Variants in SLIT3 observed in about 807,000 individuals in gnomAD.
The protein encoded by SLIT3 is slit homolog 3 protein.
In SLIT3, 68 loss-of-function variants were observed where a neutral mutation model predicts 184.0. That is an observed-to-expected ratio of 0.37 (90% CI 0.30 to 0.45). The LOEUF is 0.45. Ranked by LOEUF, SLIT3 falls within the 20% of genes least tolerant of loss-of-function variation. SLIT3 has a pLI of 1.00. For missense variants in SLIT3, 1,707 were observed against 2,026.0 expected (o/e 0.84, Z 3.02); for synonymous variants, 831 against 828.6 (o/e 1.00, Z -0.05).
intron 20 of SLIT3, among the ~76,000 whole-genome samples, chr5:168,735,518 A>G (rs1305583227): frequency 6.6e-6 from 1 of 152,154 alleles, no homozygotes; most frequent in Non-Finnish European, 1.5e-5. Context: ...GTCACCTGTA[A>G]AACAAAGCTT....
intron 4 of SLIT3, among the ~76,000 whole-genome samples, chr5:169,075,397 C>G (rs1283229089): frequency 6.6e-6 from 1 of 152,170 alleles, no homozygotes; most frequent in Non-Finnish European, 1.5e-5. Flanking sequence ...GGACCTGGAG[C>G]TTTCTCTGCT....
intron 33 of SLIT3, among the ~76,000 whole-genome samples, chr5:168,672,951 C>G (rs1278122264): frequency 6.6e-6 from 1 of 152,222 alleles, no homozygotes; most frequent in Non-Finnish European, 1.5e-5. Context: ...TTGCCCGTCA[C>G]AACGTGTAGT....
intron 3 of SLIT3, among the ~76,000 whole-genome samples, chr5:169,229,945 T>C (rs1259723242): frequency 1.3e-5 from 2 of 152,176 alleles, no homozygotes; most frequent in South Asian, 2.1e-4. Flanking sequence ...TCAATGAACC[T>C]GTGCCCGCAA....
intron 1 of SLIT3, among the ~76,000 whole-genome samples, chr5:169,296,205 G>A (rs1474983510): frequency 1.3e-5 from 2 of 152,186 alleles, no homozygotes; most frequent in Non-Finnish European, 2.9e-5. Flanking sequence ...AGACAGACTT[G>A]TAGTTTTGAG....
At chr5:169,112,645 C>T (rs1490692484) in intron 4 of SLIT3, among the ~76,000 whole-genome samples, 3 of 151,736 alleles carry the variant, frequency 2.0e-5, no homozygotes, top group East Asian at 1.9e-4. Context: ...TCACCCTCTA[C>T]CCTTCTCTGA....
chr5:169,147,354 C>T (rs1581458410), intron 4 of SLIT3, among the ~76,000 whole-genome samples: 1 of 152,226 alleles, frequency 6.6e-6, no homozygotes, highest in East Asian at 1.9e-4. Flanking sequence ...CTGCAACCTC[C>T]ACCTCCCGGG....
intron 2 of SLIT3, among the ~76,000 whole-genome samples, chr5:169,247,826 C>G (rs1765647451): frequency 6.6e-6 from 1 of 152,062 alleles, no homozygotes; most frequent in Non-Finnish European, 1.5e-5. Context: ...CCTGGGCAGC[C>G]TTGTCCAGGC....
chr5:169,096,643 T>C (rs147618330), intron 4 of SLIT3, among the ~76,000 whole-genome samples: 3 of 152,360 alleles, frequency 2.0e-5, no homozygotes, highest in African/African-American at 7.2e-5. Flanking sequence ...ATCTATGTTT[T>C]ATGGATTAGG....
chr5:169,172,194 C>T (rs552928603), intron 4 of SLIT3, among the ~76,000 whole-genome samples: 24 of 152,218 alleles, frequency 1.6e-4, no homozygotes, highest in Non-Finnish European at 2.9e-4. Context: ...AATGGGACCA[C>T]AGAATTGCCA....
chr5:168,747,856 T>C (rs1754542271), intron 20 of SLIT3, among the ~76,000 whole-genome samples: 1 of 151,992 alleles, frequency 6.6e-6, no homozygotes, highest in Admixed American at 6.6e-5. Flanking sequence ...TGGAATAGGA[T>C]CCTATTCAGA....
At chr5:168,986,378 C>T (rs898777535) in intron 4 of SLIT3, among the ~76,000 whole-genome samples, 5 of 144,526 alleles carry the variant, frequency 3.5e-5, no homozygotes, top group Admixed American at 6.7e-5. Flanking sequence ...AATATTTGGA[C>T]GGTGGCGCCC....
At chr5:169,232,235 A>AT (rs1202729962) in intron 3 of SLIT3, among the ~76,000 whole-genome samples, 1 of 152,004 alleles carries the variant, frequency 6.6e-6, no homozygotes. Context: ...ATATTCTGTT[A>AT]TTTTTTTGAG....
intron 3 of SLIT3, among the ~76,000 whole-genome samples, chr5:169,240,823 C>T (rs1490818756): frequency 1.3e-5 from 2 of 149,204 alleles, no homozygotes; most frequent in Non-Finnish European, 3.0e-5. Context: ...CATTTTAATT[C>T]ATATTTTGTA....
chr5:169,034,640 C>G (rs1757162275), intron 4 of SLIT3, among the ~76,000 whole-genome samples: 1 of 152,072 alleles, frequency 6.6e-6, no homozygotes, highest in African/African-American at 2.4e-5. Flanking sequence ...TTGGAATCAC[C>G]TGGAGTGTTT....
intron 23 of SLIT3, among the ~76,000 whole-genome samples, chr5:168,714,071 G>A (rs1356703466): frequency 6.6e-6 from 1 of 152,200 alleles, no homozygotes; most frequent in Non-Finnish European, 1.5e-5. Context: ...GTGAAAGTGA[G>A]CCTCAGTGCT....
At chr5:169,024,900 GAAC>G (rs1312963738) in intron 4 of SLIT3, 5 of 152,198 alleles carry the variant, frequency 3.3e-5, no homozygotes, top group African/African-American at 1.2e-4. Flanking sequence ...CAGGATTAGA[GAAC>G]AACTGCCGCT....
At chr5:168,735,698 A>T (rs1763414920) in intron 20 of SLIT3, among the ~76,000 whole-genome samples, 3 of 141,042 alleles carry the variant, frequency 2.1e-5, no homozygotes, top group Admixed American at 7.0e-5. Flanking sequence ...ACACACACAC[A>T]CACACACATC....
intron 20 of SLIT3, among the ~76,000 whole-genome samples, chr5:168,725,415 C>G (rs1763079892): frequency 6.6e-6 from 1 of 152,214 alleles, no homozygotes; most frequent in Non-Finnish European, 1.5e-5. Flanking sequence ...ACCCCTTTCT[C>G]CAGGCTTTCT....
intron 4 of SLIT3, among the ~76,000 whole-genome samples, chr5:168,955,100 G>A (rs1762778319): frequency 6.6e-6 from 1 of 151,638 alleles, no homozygotes; most frequent in African/African-American, 2.4e-5. Context: ...GGGGGTGGTG[G>A]GGGTGGGGTG....
Sources: gnomAD v4.1 joint callset for allele counts (sites outside exome capture counted in the v4.1 genomes callset) on GRCh38, gnomAD v4.1.1 for gene constraint, MANE v1.5 for transcripts, NCBI Gene and HGNC (gene_info 2026-07-23, HGNC 2026-07-21) for gene names.